Variants in ACSBG1 observed in about 807,000 individuals in gnomAD.
ACSBG1 encodes long-chain-fatty-acid--CoA ligase ACSBG1.
In ACSBG1, 39 loss-of-function variants were observed where a neutral mutation model predicts 80.2. The ratio of observed to expected loss-of-function variants is 0.49; its 90% CI spans 0.38 to 0.64. The LOEUF is 0.64. ACSBG1 is among the 30% of genes least tolerant of loss of function. ACSBG1 has a pLI of 0.00. For missense variants in ACSBG1, 828 were observed against 966.4 expected (o/e 0.86, Z 1.90); for synonymous variants, 392 against 379.5 (o/e 1.03, Z -0.38).
intron 1 of ACSBG1, among the ~76,000 whole-genome samples, chr15:78,217,335 T>A (rs1302335442): frequency 6.6e-6 from 1 of 152,130 alleles, no homozygotes; most frequent in Admixed American, 6.6e-5. Context: ...ACAGAGAAAT[T>A]AGGGAAATTG....
intron 1 of ACSBG1, among the ~76,000 whole-genome samples, chr15:78,221,362 A>G (rs1176304436): frequency 6.6e-6 from 1 of 152,156 alleles, no homozygotes; most frequent in East Asian, 1.9e-4. Flanking sequence ...AAGGGAAGGT[A>G]CTGTGCCCAG....
Position 78,215,759 on chromosome 15 carries a change from A to AAAGAAAGG in ACSBG1, c.132-7658_132-7657insCCTTTCTT, listed in dbSNP as rs1555434041. 1.6e-3 allele frequency among the ~76,000 whole-genome samples: 245 copies of AAAGAAAGG among 150,334 alleles called. 3 individuals carry two copies. The highest frequency in any genetic ancestry group is 2.8e-3 in the Non-Finnish European group (192 of 67,496). On this transcript the variant is annotated intron_variant, in intron 1 of 13. Coordinates refer to ENST00000258873, the MANE Select transcript of ACSBG1 (RefSeq NM_015162.5). ...GAAAGAAAGAAAGAAAGAAAGAAAG[A>AAAGAAAGG]AAGAAAGAAAGAAAGAAAGAAAGAA... is the stretch of plus-strand genomic sequence containing the variant.
At chr15:78,217,246 C>T (rs8036250) in intron 1 of ACSBG1, among the ~76,000 whole-genome samples, 38,206 of 152,166 alleles carry the variant, frequency 0.25, 5,434 homozygotes, top group Non-Finnish European at 0.33. Context: ...ATGTTTTATG[C>T]ACCTTACACA....
chr15:78,176,671 T>C (rs1430785812), intron 11 of ACSBG1, among the ~76,000 whole-genome samples: 1 of 152,164 alleles, frequency 6.6e-6, no homozygotes, highest in Non-Finnish European at 1.5e-5. Context: ...ACACCTATAA[T>C]CCCAGCACTT....
intron 1 of ACSBG1, among the ~76,000 whole-genome samples, chr15:78,230,994 C>T (rs1013741097): frequency 6.6e-5 from 10 of 152,226 alleles, no homozygotes; most frequent in Non-Finnish European, 1.5e-5. Flanking sequence ...GAGACAGGGT[C>T]TTGCTGTGTC....
At chr15:78,197,779 C>T (rs2075128808) in intron 2 of ACSBG1, among the ~76,000 whole-genome samples, 1 of 148,038 alleles carries the variant, frequency 6.8e-6, no homozygotes, top group African/African-American at 2.5e-5. Context: ...GTGCAAGAAT[C>T]TTGTGCAATG....
intron 1 of ACSBG1, among the ~76,000 whole-genome samples, chr15:78,208,514 C>A (rs1360686960): frequency 6.6e-6 from 1 of 152,196 alleles, no homozygotes; most frequent in Admixed American, 6.5e-5. Flanking sequence ...GGCGGGGGTT[C>A]CCCCATCTGT....
At chr15:78,231,271 C>T (rs2075444902) in intron 1 of ACSBG1, among the ~76,000 whole-genome samples, 1 of 150,412 alleles carries the variant, frequency 6.6e-6, no homozygotes, top group Non-Finnish European at 1.5e-5. Flanking sequence ...TAGGCATGCG[C>T]CACCACGCCT....
In ACSBG1 at chr15:78,234,362, A is replaced by G. The variant is rs190424927; in HGVS notation, c.131+9T>C. 8.7e-6 allele frequency: 14 copies of G among 1,608,862 alleles called. No individual in the cohort carries two copies. In the East Asian group the frequency reaches 3.1e-4, roughly 36 times the overall value. ...GGTGCAGTGTGCAGAAACCCAACCA[A>G]TGACTTACCTGGTTTTCAATTTTTC... On this transcript the variant is annotated intron_variant, in intron 1 of 13. Transcript: ENST00000258873.
In ACSBG1 at chr15:78,178,093, T is replaced by A. The variant is rs2074901190; in HGVS notation, c.1702+521A>T. 6.6e-6 allele frequency among the ~76,000 whole-genome samples: 1 copy of A among 152,200 alleles called. No homozygotes were observed. Among genetic ancestry groups the A allele is most frequent in the African/African-American group, 2.4e-5 (1 of 41,438 alleles). On this transcript the variant is annotated intron_variant, in intron 11 of 13. Coordinates refer to ENST00000258873, the MANE Select transcript of ACSBG1 (RefSeq NM_015162.5). This position sits in a 1 kb window ranked among gnomAD's most constrained non-coding sequence, Gnocchi z 4.3. ...AGCTGGGTGACCTTAGGCAAGTTAC[T>A]TAACCTCTCTGGATGTCCTCATTAG...
chr15:78,224,111 G>C (rs1002416327), intron 1 of ACSBG1, among the ~76,000 whole-genome samples: 2 of 152,162 alleles, frequency 1.3e-5, no homozygotes, highest in Non-Finnish European at 2.9e-5. Context: ...CACCAAGTTT[G>C]TGGTAATTGT....
rs12899901 is a variant in ACSBG1, at chr15:78,193,588, T to G, written c.581A>C (p.Glu194Ala). 5.0e-6 allele frequency: 8 copies of G among 1,613,894 alleles called. No individual in the cohort carries two copies. Among genetic ancestry groups the G allele is most frequent in the Non-Finnish European group, 5.9e-6 (7 of 1,179,850 alleles). The change falls in exon 5 of 14, where the codon GAG becomes GCG. Residue 194 changes from glutamate (E) to alanine (A), a missense_variant. Transcript: ENST00000258873. ...VTGIYTTSSP[E>A]ACQYIAYDCC... ...GTCATAAGCGATGTACTGGCAGGCC[T>G]CTGGGGAGCTGGTGGTGTAGATGCC...
chr15:78,212,405 A>C, intron 1 of ACSBG1: 1 of 370,824 alleles, frequency 2.7e-6, no homozygotes, highest in Non-Finnish European at 5.4e-6. Flanking sequence ...GAAAAGGATA[A>C]CTTGGCAAGA....
intron 10 of ACSBG1, 148 bp downstream of exon 10, chr15:78,179,402 T>C (rs1420264632): frequency 1.3e-5 from 9 of 700,404 alleles, no homozygotes; most frequent in Non-Finnish European, 2.1e-5. Context: ...CATTGTTGGC[T>C]CTCAGGGGCT....
chr15:78,232,431 C>T (rs1247733057), intron 1 of ACSBG1, among the ~76,000 whole-genome samples: 1 of 152,216 alleles, frequency 6.6e-6, no homozygotes, highest in Non-Finnish European at 1.5e-5. Flanking sequence ...TGCCTACTTT[C>T]CTTCAGTGAT....
intron 2 of ACSBG1, among the ~76,000 whole-genome samples, chr15:78,204,035 A>G (rs1257097163): frequency 6.6e-6 from 1 of 152,214 alleles, no homozygotes; most frequent in African/African-American, 2.4e-5. Flanking sequence ...GACAAGACCT[A>G]GCACAGAAGG....
intron 2 of ACSBG1, among the ~76,000 whole-genome samples, chr15:78,204,282 C>G (rs1348327293): frequency 6.6e-6 from 1 of 152,186 alleles, no homozygotes; most frequent in Non-Finnish European, 1.5e-5. Context: ...TTCCACTTGT[C>G]CAGGCCTGGA....
Position 78,179,743 on chromosome 15 carries a change from G to A in ACSBG1, c.1291C>T (p.Leu431=). 1.9e-6 allele frequency: 3 copies of A among 1,613,868 alleles called. No individual in the cohort carries two copies. The South Asian group carries it at 3.3e-5, about 18-fold the overall frequency. Residue 431 remains leucine, a synonymous_variant, in exon 10 of 14, where the codon CTG becomes TTG. Transcript: ENST00000258873. The stretch of plus-strand genomic sequence containing the variant: ...GCCTGGCGAACCTTGGCTAGCACCA[G>A]GTAATCTGCCAGTCTGGTTGTGAAG... ...KPFTTRLADY[L]VLAKVRQALG...
At chr15:78,176,736 G>A (rs1475142896) in intron 11 of ACSBG1, among the ~76,000 whole-genome samples, 1 of 152,072 alleles carries the variant, frequency 6.6e-6, no homozygotes, top group Non-Finnish European at 1.5e-5. Flanking sequence ...ACCAGCCTGG[G>A]CAACATGGCA....
Sources: gnomAD v4.1 joint callset for allele counts (sites outside exome capture counted in the v4.1 genomes callset) on GRCh38, gnomAD v4.1.1 for gene constraint, Gnocchi (gnomAD v3.1) non-coding constraint, MANE v1.5 for transcripts, NCBI Gene and HGNC (gene_info 2026-07-23, HGNC 2026-07-21) for gene names.